ARMC2: variants seen among roughly 807,000 people sequenced by gnomAD.
ARMC2 encodes armadillo repeat containing 2, also known as armadillo repeat-containing protein 2.
A neutral mutation model predicts 90.3 loss-of-function variants in ARMC2; 67 were observed. That is an observed-to-expected ratio of 0.74 (90% confidence interval 0.61 to 0.91). ARMC2 has a LOEUF of 0.91. Ranked by LOEUF, ARMC2 falls within the 40% of genes least tolerant of loss-of-function variation. The pLI is 0.00. For synonymous variants in ARMC2, 393 were observed against 393.0 expected, an observed-to-expected ratio of 1.00 and a Z score of 0.00; for missense variants, 920 against 1,030.9, an observed-to-expected ratio of 0.89 and a Z score of 1.47.
intron 15 of ARMC2, among the ~76,000 whole-genome samples, chr6:108,963,344 A>C (rs1778134538): frequency 6.6e-6 from 1 of 152,218 alleles, no homozygotes; most frequent in African/African-American, 2.4e-5. Flanking sequence ...ACAGATACAA[A>C]AAGCAGCAGC....
chr6:108,863,154 G>GT (rs1001831560), intron 3 of ARMC2, among the ~76,000 whole-genome samples: 5 of 152,182 alleles, frequency 3.3e-5, no homozygotes, highest in African/African-American at 7.2e-5. Flanking sequence ...TGTTTGTTTT[G>GT]TTTTTTCTGA....
At chr6:108,928,913 C>T (rs1413451766) in intron 11 of ARMC2, among the ~76,000 whole-genome samples, 6 of 152,156 alleles carry the variant, frequency 3.9e-5, no homozygotes, top group Non-Finnish European at 7.3e-5. Context: ...GCAAAATTTC[C>T]TGAAGACTGA....
chr6:108,954,130 G>T (rs1046937226), intron 13 of ARMC2, among the ~76,000 whole-genome samples: 2 of 152,220 alleles, frequency 1.3e-5, no homozygotes, highest in African/African-American at 4.8e-5. Context: ...CTACCCTTAT[G>T]GGCTCTGTAA....
intron 13 of ARMC2, among the ~76,000 whole-genome samples, 189 bp from the exon 14 acceptor site, chr6:108,961,383 T>C (rs964363927): frequency 6.6e-6 from 1 of 152,168 alleles, no homozygotes; most frequent in Non-Finnish European, 1.5e-5. Context: ...GAGCAGGCCC[T>C]TGCATTTGGG....
the ARMC2 span, among the ~76,000 whole-genome samples, chr6:108,990,324 A>T: frequency 6.6e-6 from 1 of 152,230 alleles, no homozygotes. Flanking sequence ...GAGATAGATT[A>T]TATGAAGAGA....
intron 10 of ARMC2, among the ~76,000 whole-genome samples, chr6:108,926,589 G>T (rs774087718): frequency 3.0e-4 from 45 of 152,120 alleles, no homozygotes; most frequent in Non-Finnish European, 8.8e-5. Flanking sequence ...GCCAGACATG[G>T]TGGCACGCAC....
chr6:108,962,104 G>A lies in ARMC2; in HGVS notation c.2129G>A (p.Cys710Tyr). The part of the protein sequence containing the change: ...FGNLSQDHDV[C>Y]DFIVQNNVHR... ...AATCTCTCCCAGGACCATGATGTCT[G>A]CGATTTCATTGTGCAGAACAATGGT... The change falls in exon 15 of 18, where the codon TGC becomes TAC. Residue 710 changes from cysteine (C) to tyrosine (Y), a missense_variant. Physicochemically the swap from Cys to Tyr is radical, Grantham distance 194 (BLOSUM62 -2). Coordinates refer to ENST00000392644, the MANE Select transcript of ARMC2 (RefSeq NM_032131.6). 6.2e-7 allele frequency: 1 copy of A among 1,610,792 alleles called. No homozygotes were observed.
chr6:108,868,283 C>G (rs1219821198), intron 3 of ARMC2, among the ~76,000 whole-genome samples: 1 of 152,028 alleles, frequency 6.6e-6, no homozygotes, highest in Non-Finnish European at 1.5e-5. Flanking sequence ...GTGGTGCAGT[C>G]TTGGCTCACT....
At chr6:108,900,888 CT>C (rs1385625661) in intron 7 of ARMC2, among the ~76,000 whole-genome samples, 1 of 152,100 alleles carries the variant, frequency 6.6e-6, no homozygotes, top group Non-Finnish European at 1.5e-5. Context: ...ACTTTTTCCC[CT>C]CTAGAGTTAC....
chr6:108,947,026 T>A (rs1583190379), intron 12 of ARMC2, among the ~76,000 whole-genome samples: 1 of 152,198 alleles, frequency 6.6e-6, no homozygotes, highest in East Asian at 1.9e-4. Flanking sequence ...AGGCAGTAGA[T>A]GTTTTTGAGC....
downstream of ARMC2, among the ~76,000 whole-genome samples, chr6:108,979,401 C>T (rs567129248): frequency 1.3e-5 from 2 of 152,316 alleles, no homozygotes; most frequent in Admixed American, 6.5e-5. Context: ...GTAATCCGAC[C>T]TTTCTCTCTG....
Position 108,876,206 on chromosome 6 carries a change from G to T in ARMC2, c.527G>T (p.Gly176Val), listed in dbSNP as rs765449268. 9.9e-6 allele frequency: 16 copies of T among 1,612,256 alleles called. No homozygotes were observed. Among genetic ancestry groups the T allele is most frequent in the Admixed American group, 1.7e-5 (1 of 59,774 alleles). ...MMGDSMVKIN[G>V]IYLTKSNAIC... Reference sequence around the variant, plus strand: ...GGGGACTCTATGGTGAAAATAAATGGGATTTATTTAACAAAATCAAATGCT... The same window carrying T: ...GGGGACTCTATGGTGAAAATAAATGTGATTTATTTAACAAAATCAAATGCT... The change falls in exon 5 of 18, where the codon GGG (glycine) becomes GTG (valine). Residue 176 changes from glycine (G) to valine (V), a missense_variant. By Grantham distance (109) the Gly-to-Val change is moderately radical. Coordinates refer to ENST00000392644, the MANE Select transcript of ARMC2 (RefSeq NM_032131.6).
At chr6:108,998,613 G>A in the ARMC2 span, 5 of 1,613,824 alleles carry the variant, frequency 3.1e-6, no homozygotes, top group East Asian at 2.2e-5. Flanking sequence ...AGGTCTGAAT[G>A]TGTGGCCACC....
rs536715766 is a variant in ARMC2 at position 108,961,817 on chromosome 6, T to C, written c.2038+123T>C. ...TCTGGTACAGAAATGTCTTAGAGCC[T>C]GATGATTCTAAGAAATTAGAATATG... On this transcript the variant is annotated intron_variant, in intron 14 of 17. Coordinates refer to ENST00000392644, the MANE Select transcript of ARMC2 (RefSeq NM_032131.6). 1.5e-5 allele frequency: 19 copies of C among 1,242,206 alleles called. No individual in the cohort carries two copies. The South Asian group carries it at 2.6e-4, about 17-fold the overall frequency. 76.9% of individuals were successfully genotyped at this position (1,242,206 alleles called of 1,614,324 possible).
intron 4 of ARMC2, among the ~76,000 whole-genome samples, chr6:108,875,898 A>G (rs911243579): frequency 1.3e-5 from 2 of 152,218 alleles, no homozygotes; most frequent in Non-Finnish European, 2.9e-5. Flanking sequence ...TTTGCCTTCA[A>G]GTAGACTCTA....
rs1775232751 is a variant in ARMC2, at chr6:108,927,898, A to G, written c.1351-190A>G. 2.6e-5 allele frequency among the ~76,000 whole-genome samples: 4 copies of G among 152,148 alleles called. No homozygotes were observed. The South Asian group carries it at 8.3e-4, about 32-fold the overall frequency. On this transcript the variant is annotated intron_variant, in intron 10 of 17. Coordinates refer to ENST00000392644, the MANE Select transcript of ARMC2 (RefSeq NM_032131.6). The stretch of plus-strand genomic sequence containing the variant: ...ATTTCATTCTTTACCTTTCAACCAA[A>G]TTAGGCTTTCTTTGTTTTCATTTGT...
chr6:108,927,144 A>C (rs970380371), intron 10 of ARMC2, among the ~76,000 whole-genome samples: 12 of 152,208 alleles, frequency 7.9e-5, no homozygotes, highest in Non-Finnish European at 1.6e-4. Flanking sequence ...TTTGCTACAC[A>C]CAACCCCCCG....
At chr6:108,886,893 T>G (rs186706085) in intron 5 of ARMC2, among the ~76,000 whole-genome samples, 62 of 146,022 alleles carry the variant, frequency 4.2e-4, no homozygotes, top group African/African-American at 1.4e-3. Flanking sequence ...GTTTTTTTTT[T>G]GTTTGTTTGT....
chr6:108,904,219 T>A lies in ARMC2; in HGVS notation c.848-11T>A. The A allele has an allele frequency of 6.2e-7, 1 of 1,613,132 alleles. No homozygotes were observed. The highest frequency in any genetic ancestry group is 8.5e-7 in the Non-Finnish European group (1 of 1,179,600). On this transcript the variant is annotated splice_polypyrimidine_tract_variant and intron_variant, in intron 7 of 17. Transcript: ENST00000392644. ...TTAGTAAGTGTTGCTTTACTCTCTT[T>A]GCTCTGACAGAAGAAAACATTGAAA... is the stretch of plus-strand genomic sequence containing the variant.
Sources: gnomAD v4.1 joint callset for allele counts (sites outside exome capture counted in the v4.1 genomes callset) on GRCh38, gnomAD v4.1.1 for gene constraint, MANE v1.5 for transcripts, NCBI Gene and HGNC (gene_info 2026-07-23, HGNC 2026-07-21) for gene names.